GRID2: variants seen among roughly 807,000 people sequenced by gnomAD.
GRID2 encodes glutamate receptor ionotropic, delta-2.
A neutral mutation model predicts 114.8 loss-of-function variants in GRID2; 33 were observed. That is an observed-to-expected ratio of 0.29 (90% CI 0.22 to 0.38). The LOEUF is 0.38. Among genes scored for constraint, GRID2 ranks in the 10% least tolerant of loss-of-function variants. The probability of loss-of-function intolerance (pLI) is 1.00; values close to 1 mark genes in which losing one functional copy is unlikely to be tolerated. For synonymous variants in GRID2, 505 were observed against 449.9 expected (o/e 1.12, Z -1.55); for missense variants, 1,184 against 1,257.7 (o/e 0.94, Z 0.89).
intron 13 of GRID2, among the ~76,000 whole-genome samples, chr4:93,533,537 CTTTTTTTTT>C (rs34014956): frequency 1.2e-5 from 1 of 86,478 alleles, no homozygotes; most frequent in Non-Finnish European, 2.2e-5. Flanking sequence ...CCACACCCAG[CTTTTTTTTT>C]TTTTTTTTTT....
chr4:93,672,365 A>G (rs1724503380), intron 14 of GRID2, among the ~76,000 whole-genome samples: 1 of 152,264 alleles, frequency 6.6e-6, no homozygotes, highest in Admixed American at 6.5e-5. Context: ...GTGGACATGT[A>G]CAGCATGTCA....
intron 1 of GRID2, among the ~76,000 whole-genome samples, chr4:92,424,402 A>G (rs1732055019): frequency 6.6e-6 from 1 of 152,080 alleles, no homozygotes; most frequent in Admixed American, 6.6e-5. Context: ...CGTAGTTGAT[A>G]TGACAGGATG....
At chr4:92,751,226 CTAACTT>C (rs1168922784) in intron 2 of GRID2, among the ~76,000 whole-genome samples, 5 of 152,012 alleles carry the variant, frequency 3.3e-5, no homozygotes, top group South Asian at 2.1e-4. Context: ...GATTTTTAAA[CTAACTT>C]TAAGAAAATG....
At chr4:92,573,811 G>A (rs1278394551) in intron 1 of GRID2, among the ~76,000 whole-genome samples, 3 of 152,014 alleles carry the variant, frequency 2.0e-5, no homozygotes, top group Non-Finnish European at 4.4e-5. Flanking sequence ...AGAGAGTTCT[G>A]TAGATATCTA....
intron 2 of GRID2, among the ~76,000 whole-genome samples, chr4:92,873,117 A>T (rs887344639): frequency 2.6e-5 from 4 of 152,032 alleles, no homozygotes; most frequent in Admixed American, 6.6e-5. Flanking sequence ...TAAAATGAAA[A>T]TTTTTTTGTT....
At chr4:92,989,061 A>G (rs925505516) in intron 2 of GRID2, among the ~76,000 whole-genome samples, 2 of 152,058 alleles carry the variant, frequency 1.3e-5, no homozygotes, top group African/African-American at 4.8e-5. Flanking sequence ...GCAGATCACG[A>G]GGTCCGGAGA....
chr4:92,502,118 A>G (rs1054038577), intron 1 of GRID2, among the ~76,000 whole-genome samples: 16 of 152,148 alleles, frequency 1.1e-4, no homozygotes, highest in Admixed American at 8.5e-4. Flanking sequence ...TAAAAAAATA[A>G]AAGACTAAAA....
rs1733604127 is a variant in GRID2 at position 92,448,802 on chromosome 4, T to A, written c.89-141329T>A. ...AGCATAAACACATTTAAATATTTTATTAAAACATTTTAATTAACAGGAACA... is the reference window on the plus strand; with the variant it reads ...AGCATAAACACATTTAAATATTTTAATAAAACATTTTAATTAACAGGAACA... On this transcript the variant is annotated intron_variant, in intron 1 of 15. Coordinates refer to ENST00000282020, the MANE Select transcript of GRID2 (RefSeq NM_001510.4). Among the ~76,000 whole-genome samples the A allele has an allele frequency of 5.3e-5, 8 of 152,202 alleles. No homozygotes were observed. In the South Asian group the frequency reaches 1.7e-3, roughly 31 times the overall value.
At chr4:92,832,406 T>C (rs552222184) in intron 2 of GRID2, among the ~76,000 whole-genome samples, 1 of 152,258 alleles carries the variant, frequency 6.6e-6, no homozygotes, top group East Asian at 1.9e-4. Flanking sequence ...TTTTGTTTTG[T>C]TTTTTGAGAC....
rs540415504 is a variant in GRID2 at position 93,281,816 on chromosome 4, A to G, written c.1245+43326A>G. Among the ~76,000 whole-genome samples, 144 of 152,140 alleles carry G rather than the reference A, an allele frequency of 9.5e-4. 2 individuals carry two copies. In the South Asian group the frequency reaches 0.029, roughly 30 times the overall value. On this transcript the variant is annotated intron_variant, in intron 8 of 15. Transcript: ENST00000282020. The stretch of plus-strand genomic sequence containing the variant: ...AATCATGTAAATCTTTTTCCTATAG[A>G]TAAGATTTATGATTATCTTTGTAAT...
At chr4:92,404,752 C>A (rs1195611040) in intron 1 of GRID2, among the ~76,000 whole-genome samples, 2 of 152,076 alleles carry the variant, frequency 1.3e-5, no homozygotes, top group African/African-American at 2.4e-5. Flanking sequence ...GAGCTGGAAG[C>A]CATTATTTTC....
intron 2 of GRID2, among the ~76,000 whole-genome samples, chr4:92,929,795 T>G (rs1333429588): frequency 6.6e-6 from 1 of 151,364 alleles, no homozygotes; most frequent in Non-Finnish European, 1.5e-5. Context: ...ACTTTTTCCA[T>G]GTGTAAAATG....
At chr4:93,795,858 T>C (rs573027134) in intron 1 of GRID2, among the ~76,000 whole-genome samples, 40 of 152,346 alleles carry the variant, frequency 2.6e-4, no homozygotes, top group African/African-American at 9.6e-4. Context: ...GTAAATGTAC[T>C]GCAGCTAGTT....
At chr4:93,195,042 A>G (rs1741352267) in intron 4 of GRID2, among the ~76,000 whole-genome samples, 1 of 152,316 alleles carries the variant, frequency 6.6e-6, no homozygotes, top group Non-Finnish European at 1.5e-5. Context: ...AATAATTTTA[A>G]TTTCTCAAGA....
intron 12 of GRID2, among the ~76,000 whole-genome samples, chr4:93,502,459 G>T (rs1451599700): frequency 6.6e-6 from 1 of 151,414 alleles, no homozygotes; most frequent in Non-Finnish European, 1.5e-5. Flanking sequence ...ATCTTAAGTT[G>T]AAAGGCAAAT....
chr4:92,890,813 C>T (rs1035422895), intron 2 of GRID2, among the ~76,000 whole-genome samples: 9 of 152,106 alleles, frequency 5.9e-5, no homozygotes, highest in African/African-American at 2.2e-4. Flanking sequence ...CACATGCACA[C>T]GTATGTTTAC....
intron 2 of GRID2, among the ~76,000 whole-genome samples, chr4:93,073,093 C>T (rs1728952897): frequency 6.6e-6 from 1 of 152,122 alleles, no homozygotes; most frequent in Non-Finnish European, 1.5e-5. Context: ...TCTCACAGTT[C>T]TTGCATAGTT....
intron 2 of GRID2, among the ~76,000 whole-genome samples, chr4:92,848,863 A>G (rs1743540351): frequency 6.6e-6 from 1 of 151,868 alleles, no homozygotes; most frequent in South Asian, 2.1e-4. Flanking sequence ...GTAGCTGGGT[A>G]TAAGGAAGTC....
chr4:93,763,809 C>G (rs1308532952), intron 14 of GRID2, among the ~76,000 whole-genome samples: 1 of 152,154 alleles, frequency 6.6e-6, no homozygotes, highest in Admixed American at 6.6e-5. Flanking sequence ...TGTCTGCAAC[C>G]TTTCCCATTC....
Sources: gnomAD v4.1 joint callset for allele counts (sites outside exome capture counted in the v4.1 genomes callset) on GRCh38, gnomAD v4.1.1 for gene constraint, MANE v1.5 for transcripts, NCBI Gene and HGNC (gene_info 2026-07-23, HGNC 2026-07-21) for gene names.